CIROZ: variants seen among roughly 807,000 people sequenced by gnomAD.
CIROZ encodes ciliated left-right organizer ZP-N domains-containing protein.
At chr1:10,967,213 C>T in the CIROZ span, among the ~76,000 whole-genome samples, 1 of 151,612 alleles carries the variant, frequency 6.6e-6, no homozygotes, top group East Asian at 1.9e-4. Flanking sequence ...GAAAGCCTCA[C>T]GTGACCTGCC....
the CIROZ span, among the ~76,000 whole-genome samples, chr1:10,959,006 G>A: frequency 6.6e-6 from 1 of 152,242 alleles, no homozygotes; most frequent in Non-Finnish European, 1.5e-5. This position sits in a 1 kb window ranked among gnomAD's most constrained non-coding sequence, Gnocchi z 4.3. Flanking sequence ...GGGGTCCTGG[G>A]CGCAGCTGGT....
At chr1:10,947,622 C>A in the CIROZ span, 44 of 1,404,676 alleles carry the variant, frequency 3.1e-5, no homozygotes, top group Non-Finnish European at 4.1e-5. Flanking sequence ...TCTACCTCCC[C>A]AGGGTGCACC....
the CIROZ span, chr1:10,957,198 G>T: frequency 2.0e-6 from 2 of 998,020 alleles, no homozygotes; most frequent in South Asian, 1.7e-5. Flanking sequence ...TCCTACCTTC[G>T]AATTAGTCTC....
chr1:10,981,612 G>A, the CIROZ span, among the ~76,000 whole-genome samples: 1 of 152,076 alleles, frequency 6.6e-6, no homozygotes, highest in African/African-American at 2.4e-5. Flanking sequence ...AATAGCTAGC[G>A]ACCACAACTC....
the CIROZ span, among the ~76,000 whole-genome samples, chr1:10,968,966 C>A: frequency 6.6e-6 from 1 of 152,154 alleles, no homozygotes; most frequent in Non-Finnish European, 1.5e-5. Flanking sequence ...AAAGAACAGG[C>A]GACAGCTTAA....
the CIROZ span, chr1:10,966,561 G>A: frequency 2.0e-5 from 28 of 1,405,752 alleles, no homozygotes; most frequent in South Asian, 6.0e-5. Context: ...TATCAGACTC[G>A]CAGATAGAAA....
At chr1:10,960,460 C>T in the CIROZ span, among the ~76,000 whole-genome samples, 2 of 152,144 alleles carry the variant, frequency 1.3e-5, no homozygotes, top group South Asian at 2.1e-4. The surrounding 1 kb of genome is among the most constrained non-coding windows in gnomAD (Gnocchi z 4.6). Context: ...GCAGCCAAAA[C>T]GCACCGTGCC....
the CIROZ span, chr1:10,964,138 A>G: frequency 6.2e-7 from 1 of 1,613,626 alleles, no homozygotes; most frequent in Admixed American, 1.7e-5. Context: ...CTGGATGAAC[A>G]TGGGCCCACA....
At chr1:10,948,043 G>A in the CIROZ span, 1 of 1,613,210 alleles carries the variant, frequency 6.2e-7, no homozygotes, top group African/African-American at 1.3e-5. Flanking sequence ...ACTGCCAGGG[G>A]CGCTGCCAGC....
the CIROZ span, chr1:10,957,807 AG>A: frequency 6.4e-7 from 1 of 1,568,860 alleles, no homozygotes; most frequent in Non-Finnish European, 8.7e-7. Context: ...CACGGTCACT[AG>A]GGGTTACGGA....
chr1:10,949,028 T>C, the CIROZ span: 31,448 of 475,960 alleles, frequency 0.066, 2,639 homozygotes, highest in African/African-American at 0.29. Context: ...AGTTCCAGAC[T>C]GGCCTGGCCA....
At chr1:10,953,912 G>A in the CIROZ span, 834 of 1,451,892 alleles carry the variant, frequency 5.7e-4, 12 homozygotes, top group East Asian at 0.02. Context: ...GTCGGGTCCA[G>A]GGAGTGAAAC....
the CIROZ span, among the ~76,000 whole-genome samples, chr1:10,960,620 C>T: frequency 6.6e-6 from 1 of 152,220 alleles, no homozygotes; most frequent in East Asian, 1.9e-4. The surrounding 1 kb of genome is among the most constrained non-coding windows in gnomAD (Gnocchi z 4.6). Context: ...ATAGTTATTG[C>T]GCGGCCTCCC....
At chr1:10,955,562 G>A in the CIROZ span, among the ~76,000 whole-genome samples, 1 of 152,090 alleles carries the variant, frequency 6.6e-6, no homozygotes, top group African/African-American at 2.4e-5. Flanking sequence ...TAACTCCTAG[G>A]CCAGGCACAG....
the CIROZ span, chr1:10,949,912 T>C: frequency 6.0e-6 from 7 of 1,157,180 alleles, no homozygotes; most frequent in East Asian, 2.6e-5. Flanking sequence ...TTTCCACAGG[T>C]GGGGAACGGA....
the CIROZ span, among the ~76,000 whole-genome samples, chr1:10,980,394 AC>A: frequency 2.6e-5 from 4 of 152,206 alleles, no homozygotes; most frequent in Non-Finnish European, 5.9e-5. Flanking sequence ...ACGGCCGGGT[AC>A]CCGCCCTGGG....
chr1:10,975,630 T>TGAACCCTC, the CIROZ span, among the ~76,000 whole-genome samples: 1 of 150,014 alleles, frequency 6.7e-6, no homozygotes, highest in East Asian at 2.0e-4. Context: ...ATGATGCATG[T>TGAACCCTC]GAACCCTCAG....
chr1:10,949,216 C>T, the CIROZ span: 1 of 248,202 alleles, frequency 4.0e-6, no homozygotes, highest in Non-Finnish European at 7.6e-6. Flanking sequence ...AAAGCAAGAC[C>T]CCATCTCAAA....
chr1:10,963,193 A>G, the CIROZ span, among the ~76,000 whole-genome samples: 1 of 152,126 alleles, frequency 6.6e-6, no homozygotes, highest in Non-Finnish European at 1.5e-5. Context: ...GTTCAAGACC[A>G]GCCTGGCCAA....
Sources: allele counts gnomAD v4.1 joint callset (sites outside exome capture counted in the v4.1 genomes callset), GRCh38; gene constraint gnomAD v4.1.1; non-coding constraint Gnocchi (gnomAD v3.1); transcripts MANE v1.5; gene names NCBI Gene and HGNC (gene_info 2026-07-23, HGNC 2026-07-21).